The following PID1 variants were observed in gnomAD, a reference collection of about 807,000 sequenced individuals.
PID1 encodes the protein phosphotyrosine interaction domain containing 1.
PID1 carries 10 observed loss-of-function variants against 19.1 expected under a neutral mutation model. The observed-to-expected ratio is 0.52, with a 90% CI of 0.32 to 0.89. The LOEUF (loss-of-function observed/expected upper bound fraction) is 0.89, where lower values mean the gene tolerates loss of function less well. PID1 is among the 40% of genes least tolerant of loss of function. PID1 has a pLI of 0.03. For synonymous variants in PID1, 130 were observed against 116.0 expected, an observed-to-expected ratio of 1.12 and a Z score of -0.78; for missense variants, 248 against 285.3, an observed-to-expected ratio of 0.87 and a Z score of 0.94.
chr2:229,118,833 AAAAACAAAAC>A (rs530068923), intron 2 of PID1, among the ~76,000 whole-genome samples: 1 of 152,208 alleles, frequency 6.6e-6, no homozygotes, highest in Non-Finnish European at 1.5e-5. Flanking sequence ...ACAAGAGAAA[AAAAACAAAAC>A]AAAACAAAAC....
chr2:229,257,372 C>T (rs1487880849), intron 1 of PID1, among the ~76,000 whole-genome samples: 2 of 152,196 alleles, frequency 1.3e-5, no homozygotes, highest in African/African-American at 2.4e-5. Flanking sequence ...TGTGCACATC[C>T]TTTGCCCCTC....
chr2:229,231,589 T>C (rs1271985388), intron 1 of PID1, among the ~76,000 whole-genome samples: 4 of 152,156 alleles, frequency 2.6e-5, no homozygotes, highest in Non-Finnish European at 4.4e-5. Context: ...CTGAGACATC[T>C]GTCCAAGATC....
intron 2 of PID1, among the ~76,000 whole-genome samples, chr2:229,113,451 A>AAC (rs979872134): frequency 0.015 from 464 of 30,956 alleles, 2 homozygotes; most frequent in Non-Finnish European, 0.027. Flanking sequence ...TACACACACA[A>AAC]ACACACACAC....
At chr2:229,112,519 T>C (rs1237186353) in intron 2 of PID1, among the ~76,000 whole-genome samples, 1 of 152,186 alleles carries the variant, frequency 6.6e-6, no homozygotes, top group East Asian at 1.9e-4. Context: ...AGAGTCTTGC[T>C]CTGTCGCCCA....
intron 2 of PID1, among the ~76,000 whole-genome samples, chr2:229,077,564 AG>A (rs1694584011): frequency 6.6e-6 from 1 of 152,158 alleles, no homozygotes; most frequent in South Asian, 2.1e-4. Context: ...TTTTTGTATA[AG>A]GTGTAAGGAA....
chr2:229,230,932 T>C (rs1159563576), intron 1 of PID1, among the ~76,000 whole-genome samples: 1 of 152,192 alleles, frequency 6.6e-6, no homozygotes, highest in African/African-American at 2.4e-5. Flanking sequence ...CACTAAACAG[T>C]ATTTATTAAA....
At chr2:229,075,547 G>A (rs1333827132) in intron 2 of PID1, among the ~76,000 whole-genome samples, 1 of 152,150 alleles carries the variant, frequency 6.6e-6, no homozygotes, top group Admixed American at 6.6e-5. Context: ...TCCAGTGAAA[G>A]TCTAAAAAGC....
chr2:229,149,560 C>A (rs1690205066), intron 2 of PID1, among the ~76,000 whole-genome samples: 1 of 152,140 alleles, frequency 6.6e-6, no homozygotes, highest in South Asian at 2.1e-4. Flanking sequence ...CAATCTCTTC[C>A]TTCCTGAGAG....
chr2:229,193,961 T>C (rs1236792291), intron 1 of PID1, among the ~76,000 whole-genome samples: 1 of 152,040 alleles, frequency 6.6e-6, no homozygotes, highest in Non-Finnish European at 1.5e-5. Context: ...CAAAGAGGTA[T>C]TGAAGCTGCA....
intron 2 of PID1, among the ~76,000 whole-genome samples, chr2:229,129,429 A>AAAG (rs1553564412): frequency 1.2e-4 from 18 of 151,366 alleles, no homozygotes; most frequent in Non-Finnish European, 2.4e-4. Context: ...AAAAAAAAAA[A>AAAG]AGAGAGAGAG....
chr2:229,153,559 C>T (rs1197671228), intron 2 of PID1, among the ~76,000 whole-genome samples: 1 of 152,066 alleles, frequency 6.6e-6, no homozygotes, highest in Non-Finnish European at 1.5e-5. Context: ...CCCTTGCCCT[C>T]TTTGGCACAC....
chr2:229,071,706 A>G (rs1441005105), intron 2 of PID1, among the ~76,000 whole-genome samples: 1 of 152,262 alleles, frequency 6.6e-6, no homozygotes, highest in Non-Finnish European at 1.5e-5. Flanking sequence ...TTAGAAGGGA[A>G]GAATCTATTG....
Position 229,078,339 on chromosome 2 carries a change from G to A in PID1, c.178-52231C>T, listed in dbSNP as rs1465284252. ...TTCTAAATATACAATCATGTCATCT[G>A]CAAACAGAGATAATGTGACTTCTTC... On this transcript the variant is annotated intron_variant, in intron 2 of 2. Coordinates refer to ENST00000392055, the MANE Select transcript of PID1 (RefSeq NM_001100818.2). Among the ~76,000 whole-genome samples the A allele has an allele frequency of 3.3e-5, 5 of 152,304 alleles. No individual in the cohort carries two copies. In the East Asian group the frequency reaches 9.7e-4, roughly 29 times the overall value.
chr2:229,138,432 T>C (rs1689900546), intron 2 of PID1, among the ~76,000 whole-genome samples: 1 of 152,074 alleles, frequency 6.6e-6, no homozygotes, highest in African/African-American at 2.4e-5. Flanking sequence ...CTGCGTTCCC[T>C]CTAGTACTCA....
At chr2:229,268,410 C>A (rs934908081) in intron 1 of PID1, among the ~76,000 whole-genome samples, 1 of 152,206 alleles carries the variant, frequency 6.6e-6, no homozygotes, top group Non-Finnish European at 1.5e-5. Context: ...GGGACACAGA[C>A]TTCTCAAACC....
intron 1 of PID1, among the ~76,000 whole-genome samples, chr2:229,240,006 C>G (rs1471275807): frequency 6.6e-6 from 1 of 152,078 alleles, no homozygotes; most frequent in African/African-American, 2.4e-5. Context: ...TCCAACAAGG[C>G]AAGACTGAAC....
intron 1 of PID1, among the ~76,000 whole-genome samples, chr2:229,227,273 C>G (rs1236134686): frequency 1.3e-5 from 2 of 152,180 alleles, no homozygotes; most frequent in African/African-American, 4.8e-5. Context: ...ATTTTAAAAT[C>G]TGCACTTCAG....
rs9710946 is a variant in PID1 at position 229,031,429 on chromosome 2, C to T, written c.178-5321G>A. ...AAAATTAGCTGGGTGTGGTGGTGCACGCCTGTAGTCCCAGCTACTCAGGAG... is the reference window on the plus strand; with the variant it reads ...AAAATTAGCTGGGTGTGGTGGTGCATGCCTGTAGTCCCAGCTACTCAGGAG... On this transcript the variant is annotated intron_variant, in intron 2 of 2. Transcript: ENST00000392055. 6.6e-5 allele frequency among the ~76,000 whole-genome samples: 10 copies of T among 151,548 alleles called. No individual in the cohort carries two copies. In the South Asian group the frequency reaches 1.0e-3, roughly 16 times the overall value.
At chr2:229,259,884 C>T (rs1452156478) in intron 1 of PID1, among the ~76,000 whole-genome samples, 1 of 152,128 alleles carries the variant, frequency 6.6e-6, no homozygotes, top group East Asian at 1.9e-4. Context: ...TGTGAGGACA[C>T]AGCGTGAAGG....
Sources: gnomAD v4.1 joint callset for allele counts (sites outside exome capture counted in the v4.1 genomes callset) on GRCh38, gnomAD v4.1.1 for gene constraint, MANE v1.5 for transcripts, NCBI Gene and HGNC (gene_info 2026-07-23, HGNC 2026-07-21) for gene names.